The following DNAJC1 variants were observed in gnomAD, a reference collection of about 807,000 sequenced individuals.
DNAJC1 encodes the protein DnaJ heat shock protein family (Hsp40) member C1.
In DNAJC1, 58 loss-of-function variants were observed where a neutral mutation model predicts 76.6. The ratio of observed to expected loss-of-function variants is 0.76; its 90% CI spans 0.61 to 0.94. The LOEUF (loss-of-function observed/expected upper bound fraction) is 0.94, where lower values mean the gene tolerates loss of function less well. Among genes scored for constraint, DNAJC1 ranks in the 40% least tolerant of loss-of-function variants. The pLI is 0.00. For synonymous variants in DNAJC1, 258 were observed against 267.9 expected, an observed-to-expected ratio of 0.96 and a Z score of 0.36; for missense variants, 689 against 677.3, an observed-to-expected ratio of 1.02 and a Z score of -0.19.
At chr10:21,794,135 T>C (rs1404083070) in intron 9 of DNAJC1, among the ~76,000 whole-genome samples, 2 of 151,918 alleles carry the variant, frequency 1.3e-5, no homozygotes, top group Non-Finnish European at 2.9e-5. Flanking sequence ...TTGGGTGTGG[T>C]AGTATGCACT....
intron 10 of DNAJC1, 110 bp from the exon 11 acceptor site, chr10:21,759,728 G>A: frequency 1.1e-6 from 1 of 949,846 alleles, no homozygotes. Flanking sequence ...CATTTTGCAT[G>A]CATGGTTTAA....
At chr10:21,759,880 C>T (rs2131615442) in intron 10 of DNAJC1, among the ~76,000 whole-genome samples, 1 of 152,302 alleles carries the variant, frequency 6.6e-6, no homozygotes, top group East Asian at 1.9e-4. Flanking sequence ...CCTTTCTCTA[C>T]TCTGAGGAAT....
intron 1 of DNAJC1, among the ~76,000 whole-genome samples, chr10:22,000,631 C>T (rs1408332994): frequency 6.6e-6 from 1 of 152,206 alleles, no homozygotes. Flanking sequence ...TTTTGTCCTT[C>T]GAAATTCTTA....
rs1834213154 is a variant in DNAJC1 at position 21,759,327 on chromosome 10, C to T, written c.1439G>A (p.Ser480Asn). The T allele has an allele frequency of 6.2e-7, 1 of 1,614,124 alleles. No individual in the cohort carries two copies. Among genetic ancestry groups the T allele is most frequent in the African/African-American group, 1.3e-5 (1 of 74,940 alleles). Reference protein sequence around the residue: ...DFDIAEQNESSDEESLRKERA... With the variant: ...DFDIAEQNESNDEESLRKERA... ...CTCTTTTCTCAGGCTCTCCTCGTCGCTGGACTCGTTTTGTTCTGCTATGTC... is the reference window on the plus strand; with the variant it reads ...CTCTTTTCTCAGGCTCTCCTCGTCGTTGGACTCGTTTTGTTCTGCTATGTC... Residue 480 changes from serine (S) to asparagine (N), a missense_variant, in exon 11 of 12, where the codon AGC (serine) becomes AAC (asparagine). Physicochemically the swap from Ser to Asn is conservative, Grantham distance 46 (BLOSUM62 1). Coordinates refer to ENST00000376980, the MANE Select transcript of DNAJC1 (RefSeq NM_022365.4).
intron 1 of DNAJC1, among the ~76,000 whole-genome samples, chr10:21,939,296 A>G (rs1590058187): frequency 6.6e-6 from 1 of 152,216 alleles, no homozygotes; most frequent in Non-Finnish European, 1.5e-5. Flanking sequence ...TCACTGAGGA[A>G]GGAAGACAAC....
At chr10:21,824,915 T>C (rs1319103898) in intron 8 of DNAJC1, among the ~76,000 whole-genome samples, 2 of 152,034 alleles carry the variant, frequency 1.3e-5, no homozygotes, top group Non-Finnish European at 2.9e-5. Context: ...GCTGGGATTA[T>C]AGGTGCCCAC....
chr10:21,956,781 A>G (rs2131813262), intron 1 of DNAJC1, among the ~76,000 whole-genome samples: 1 of 151,378 alleles, frequency 6.6e-6, no homozygotes, highest in Admixed American at 6.6e-5. Flanking sequence ...TTAAAACAAA[A>G]AACAGATGCA....
chr10:21,790,026 A>AAAAAAAAAAAAAAAAAAAAAAAAAAG (rs1564788584), intron 9 of DNAJC1, among the ~76,000 whole-genome samples: 1 of 149,534 alleles, frequency 6.7e-6, no homozygotes, highest in African/African-American at 2.5e-5. Context: ...AAAAAAAAAA[A>AAAAAAAAAAAAAAAAAAAAAAAAAAG]AAAAAAAAAA....
At chr10:21,874,483 C>T (rs184733783) in intron 8 of DNAJC1, among the ~76,000 whole-genome samples, 3 of 150,608 alleles carry the variant, frequency 2.0e-5, no homozygotes, top group East Asian at 1.9e-4. Flanking sequence ...CTATATGCTA[C>T]ACTACAAATA....
intron 8 of DNAJC1, among the ~76,000 whole-genome samples, chr10:21,830,218 C>CT (rs1177116344): frequency 1.3e-5 from 2 of 152,222 alleles, no homozygotes; most frequent in Admixed American, 6.5e-5. Flanking sequence ...ACTACCCTCT[C>CT]TTTTTTTCTA....
chr10:21,890,989 G>A (rs1040921346), intron 7 of DNAJC1, among the ~76,000 whole-genome samples: 4 of 152,026 alleles, frequency 2.6e-5, no homozygotes, highest in African/African-American at 7.2e-5. Context: ...TCAGGAGTTC[G>A]AGTCCAGCCT....
At chr10:21,756,933 G>A (rs541399623) in intron 11 of DNAJC1, among the ~76,000 whole-genome samples, 178 bp from the exon 12 acceptor site, 1 of 152,340 alleles carries the variant, frequency 6.6e-6, no homozygotes, top group South Asian at 2.1e-4. Flanking sequence ...TGGGCAGTGC[G>A]AGAAGGGCTC....
intron 8 of DNAJC1, among the ~76,000 whole-genome samples, chr10:21,881,228 TA>T (rs1836269990): frequency 6.6e-6 from 1 of 152,232 alleles, no homozygotes; most frequent in African/African-American, 2.4e-5. Context: ...CTATCCAGAC[TA>T]CTCAAACTTT....
chr10:21,949,723 C>T (rs1432793575), intron 1 of DNAJC1, among the ~76,000 whole-genome samples: 5 of 151,752 alleles, frequency 3.3e-5, no homozygotes, highest in Admixed American at 1.3e-4. Context: ...GGCCAATAAG[C>T]GATTGCCCTC....
At chr10:21,827,912 A>C (rs573546514) in intron 8 of DNAJC1, among the ~76,000 whole-genome samples, 4 of 152,244 alleles carry the variant, frequency 2.6e-5, no homozygotes, top group Non-Finnish European at 5.9e-5. Flanking sequence ...CATCTTTTAA[A>C]TAATTCTTTG....
rs554067260 is a variant in DNAJC1 at position 21,951,416 on chromosome 10, A to C, written c.223-22275T>G. Among the ~76,000 whole-genome samples the C allele has an allele frequency of 2.6e-5, 4 of 152,326 alleles. No individual in the cohort carries two copies. The East Asian group carries it at 7.7e-4, about 29-fold the overall frequency. On this transcript the variant is annotated intron_variant, in intron 1 of 11. Transcript: ENST00000376980. ...AAAAAAGCAGAAAACTTAATCTGGC[A>C]ACCTAAATGATTATAAAATAGAGAA...
chr10:21,787,565 G>A (rs575100913), intron 9 of DNAJC1, among the ~76,000 whole-genome samples: 39 of 152,310 alleles, frequency 2.6e-4, no homozygotes, highest in Admixed American at 1.9e-3. Flanking sequence ...CCAAAGGAGA[G>A]TGCTGGAGCA....
intron 9 of DNAJC1, among the ~76,000 whole-genome samples, chr10:21,799,339 C>A (rs1254900699): frequency 2.0e-5 from 3 of 152,192 alleles, no homozygotes; most frequent in Admixed American, 1.3e-4. Flanking sequence ...CACTCTATCA[C>A]CCAGGCTGGA....
At chr10:21,954,336 A>T (rs1837647270) in intron 1 of DNAJC1, among the ~76,000 whole-genome samples, 2 of 152,168 alleles carry the variant, frequency 1.3e-5, no homozygotes, top group Admixed American at 1.3e-4. Context: ...CTTCCCAAAA[A>T]TGTCTTCACT....
Sources: allele counts gnomAD v4.1 joint callset (sites outside exome capture counted in the v4.1 genomes callset), GRCh38; gene constraint gnomAD v4.1.1; transcripts MANE v1.5; gene names NCBI Gene and HGNC (gene_info 2026-07-23, HGNC 2026-07-21).